Variants in MACROD2 observed in about 807,000 individuals in gnomAD.
The protein encoded by MACROD2 is mono-ADP ribosylhydrolase 2.
MACROD2 carries 36 observed loss-of-function variants against 70.4 expected under a neutral mutation model. The observed-to-expected ratio is 0.51, with a 90% confidence interval of 0.39 to 0.68. The LOEUF (loss-of-function observed/expected upper bound fraction) is 0.68. Among genes scored for constraint, MACROD2 ranks in the 30% least tolerant of loss-of-function variants. MACROD2 has a pLI of 0.00. For missense variants in MACROD2, 496 were observed against 538.4 expected, an observed-to-expected ratio of 0.92 and a Z score of 0.78; for synonymous variants, 172 against 178.8, an observed-to-expected ratio of 0.96 and a Z score of 0.30.
intron 5 of MACROD2, among the ~76,000 whole-genome samples, chr20:14,941,714 G>C (rs6043014): frequency 0.15 from 23,296 of 151,924 alleles, 1,915 homozygotes; most frequent in South Asian, 0.2. Context: ...TTTCTAAGCC[G>C]CATTTTAGAA....
intron 4 of MACROD2, among the ~76,000 whole-genome samples, chr20:14,519,051 A>C (rs1184509966): frequency 2.6e-5 from 4 of 152,204 alleles, no homozygotes. Context: ...AAAACAATAC[A>C]AAAGATAATT....
intron 2 of MACROD2, among the ~76,000 whole-genome samples, chr20:14,084,418 C>G (rs2054049733): frequency 6.7e-6 from 1 of 149,808 alleles, no homozygotes; most frequent in Non-Finnish European, 1.5e-5. Flanking sequence ...AAGATTTACA[C>G]ATATCATACT....
intron 12 of MACROD2, among the ~76,000 whole-genome samples, chr20:15,948,590 TCAAGCC>T (rs2065861989): frequency 6.6e-6 from 1 of 151,946 alleles, no homozygotes; most frequent in African/African-American, 2.4e-5. Flanking sequence ...AAAAGTACAT[TCAAGCC>T]CAAGACTTTT....
rs947587939 is a variant in MACROD2, at chr20:14,786,436, G to A, written c.418+101477G>A. Among the ~76,000 whole-genome samples the A allele has an allele frequency of 3.6e-4, 55 of 151,958 alleles. 2 individuals carry two copies. Among genetic ancestry groups the A allele is most frequent in the Non-Finnish European group, 6.6e-4 (45 of 68,010 alleles). ...TTCTTCCCTGAGGGAGAGTTTGGCT[G>A]GGAAGGACGCAAGTATCATTATTTT... is the stretch of plus-strand genomic sequence containing the variant. On this transcript the variant is annotated intron_variant, in intron 5 of 17. Transcript: ENST00000684519.
chr20:14,639,815 C>G (rs763404610), intron 4 of MACROD2, among the ~76,000 whole-genome samples: 3 of 152,174 alleles, frequency 2.0e-5, no homozygotes, highest in Non-Finnish European at 2.9e-5. Flanking sequence ...AATCAACACT[C>G]ACATAGTATT....
At chr20:15,972,324 G>A (rs1382803615) in intron 13 of MACROD2, among the ~76,000 whole-genome samples, 2 of 152,108 alleles carry the variant, frequency 1.3e-5, no homozygotes, top group Non-Finnish European at 2.9e-5. Context: ...AAGTAAAAGT[G>A]ATTAAAATGT....
chr20:15,017,282 G>A (rs929432453), intron 5 of MACROD2, among the ~76,000 whole-genome samples: 7 of 152,124 alleles, frequency 4.6e-5, no homozygotes, highest in East Asian at 1.9e-4. Flanking sequence ...GAAATCCAGC[G>A]GGGCAGTCAA....
intron 5 of MACROD2, among the ~76,000 whole-genome samples, chr20:14,940,679 A>G (rs1487437850): frequency 6.6e-6 from 1 of 152,036 alleles, no homozygotes; most frequent in Non-Finnish European, 1.5e-5. Context: ...TGGTGCTGTT[A>G]ATGTGATATA....
chr20:14,072,306 T>C (rs2053855773), intron 2 of MACROD2, among the ~76,000 whole-genome samples: 1 of 152,128 alleles, frequency 6.6e-6, no homozygotes, highest in African/African-American at 2.4e-5. Context: ...ATTTTGCCAC[T>C]AAAGGAAGAG....
At chr20:14,874,156 C>T (rs450215) in intron 5 of MACROD2, among the ~76,000 whole-genome samples, 129,800 of 151,874 alleles carry the variant, frequency 0.85, 56,130 homozygotes, top group African/African-American at 0.92. Flanking sequence ...TTGTTTAATT[C>T]TCTTTTGGTA....
chr20:15,874,904 G>T (rs2064646092), intron 9 of MACROD2, among the ~76,000 whole-genome samples: 1 of 152,134 alleles, frequency 6.6e-6, no homozygotes, highest in South Asian at 2.1e-4. Context: ...GATTCTAGAG[G>T]TGGGGTCAAT....
At chr20:15,947,139 C>T (rs1277812247) in intron 12 of MACROD2, among the ~76,000 whole-genome samples, 1 of 152,116 alleles carries the variant, frequency 6.6e-6, no homozygotes, top group African/African-American at 2.4e-5. Flanking sequence ...GGGTTTTATA[C>T]CGAGACATTC....
At chr20:14,357,109 T>C (rs1476952231) in intron 3 of MACROD2, among the ~76,000 whole-genome samples, 1 of 152,228 alleles carries the variant, frequency 6.6e-6, no homozygotes, top group Non-Finnish European at 1.5e-5. Flanking sequence ...GGGAGGAACG[T>C]AGACACTTCC....
chr20:14,298,754 A>T (rs1248673434), intron 3 of MACROD2, among the ~76,000 whole-genome samples: 1 of 152,116 alleles, frequency 6.6e-6, no homozygotes, highest in African/African-American at 2.4e-5. Context: ...TTTGGAAGAC[A>T]TTAATTCCAA....
chr20:15,312,235 C>T (rs2077760894), intron 6 of MACROD2, among the ~76,000 whole-genome samples: 1 of 152,186 alleles, frequency 6.6e-6, no homozygotes, highest in South Asian at 2.1e-4. Flanking sequence ...TATGCACACT[C>T]ACACTTTTGA....
intron 8 of MACROD2, among the ~76,000 whole-genome samples, chr20:15,549,583 C>T (rs1317783071): frequency 6.6e-6 from 1 of 152,166 alleles, no homozygotes; most frequent in African/African-American, 2.4e-5. Context: ...TCAACACAGA[C>T]AGAGGTTTTA....
chr20:14,749,117 T>C (rs1353063985), intron 5 of MACROD2, among the ~76,000 whole-genome samples: 1 of 152,132 alleles, frequency 6.6e-6, no homozygotes, highest in Non-Finnish European at 1.5e-5. Context: ...ACCACTAAAA[T>C]ACTTCAGTAT....
chr20:14,510,495 C>A (rs1484330209), intron 4 of MACROD2, among the ~76,000 whole-genome samples: 1 of 151,958 alleles, frequency 6.6e-6, no homozygotes, highest in African/African-American at 2.4e-5. Context: ...TAATTCTCCT[C>A]TTGAATATTT....
intron 3 of MACROD2, among the ~76,000 whole-genome samples, chr20:14,275,956 A>G (rs1157697701): frequency 3.3e-5 from 5 of 152,206 alleles, no homozygotes; most frequent in Non-Finnish European, 7.3e-5. Flanking sequence ...TAGAATGGCA[A>G]TCATTAAAAG....
Sources: allele counts gnomAD v4.1 joint callset (sites outside exome capture counted in the v4.1 genomes callset), GRCh38; gene constraint gnomAD v4.1.1; transcripts MANE v1.5; gene names NCBI Gene and HGNC (gene_info 2026-07-23, HGNC 2026-07-21).